EIF4G3: variants seen among roughly 807,000 people sequenced by gnomAD.
EIF4G3 encodes eukaryotic translation initiation factor 4 gamma 3, also known as eIF-4-gamma 3.
A neutral mutation model predicts 186.4 loss-of-function variants in EIF4G3; 34 were observed. The ratio of observed to expected loss-of-function variants is 0.18; its 90% CI spans 0.14 to 0.24. The LOEUF (loss-of-function observed/expected upper bound fraction) is 0.24. EIF4G3 is among the 10% of genes least tolerant of loss of function. The pLI is 1.00. For synonymous variants in EIF4G3, 673 were observed against 679.5 expected, an observed-to-expected ratio of 0.99 and a Z score of 0.15; for missense variants, 1,536 against 1,948.5, an observed-to-expected ratio of 0.79 and a Z score of 3.99.
chr1:20,843,495 C>T (rs367920538), intron 29 of EIF4G3, among the ~76,000 whole-genome samples: 13 of 151,782 alleles, frequency 8.6e-5, no homozygotes, highest in South Asian at 2.1e-4. Flanking sequence ...CCAGCCTGGG[C>T]GACACGGTGA....
At chr1:21,031,050 G>A (rs965785119) in intron 4 of EIF4G3, among the ~76,000 whole-genome samples, 8 of 152,214 alleles carry the variant, frequency 5.3e-5, no homozygotes, top group South Asian at 2.1e-4. Context: ...GCCAGGCAGC[G>A]TGGCACATGC....
At chr1:21,103,948 G>C (rs2096570707) in intron 2 of EIF4G3, among the ~76,000 whole-genome samples, 1 of 152,126 alleles carries the variant, frequency 6.6e-6, no homozygotes, top group Non-Finnish European at 1.5e-5. Context: ...AGGGGTCTTG[G>C]AGTCAGACAA....
chr1:21,168,511 C>T (rs2097900371), intron 2 of EIF4G3, among the ~76,000 whole-genome samples: 1 of 152,024 alleles, frequency 6.6e-6, no homozygotes, highest in Admixed American at 6.6e-5. Context: ...CAGCCTTGAC[C>T]TCCCGGGCTC....
At chr1:21,007,536 AAC>A (rs1491081027) in intron 4 of EIF4G3, among the ~76,000 whole-genome samples, 5,759 of 87,860 alleles carry the variant, frequency 0.066, 922 homozygotes, top group African/African-American at 0.078. Context: ...AAAAAAAAAA[AAC>A]ACACTCAAAA....
At chr1:20,911,560 C>CAAAAA (rs60071144) in intron 14 of EIF4G3, among the ~76,000 whole-genome samples, 9 of 40,714 alleles carry the variant, frequency 2.2e-4, no homozygotes, top group African/African-American at 2.2e-4. Context: ...GACCCTGCCT[C>CAAAAA]AAAAAAAAAA....
In EIF4G3 at chr1:20,980,328, A is replaced by G; in HGVS notation, c.493+6T>C. ...TAGCAGAAATGTCTTGACTTTTCCT[A>G]CTTACCATAAGCATTGGGGAAGTCC... is the stretch of plus-strand genomic sequence containing the variant. On this transcript the variant is annotated splice_donor_region_variant and intron_variant, in intron 10 of 36. Transcript: ENST00000602326. 6.5e-7 allele frequency: 1 copy of G among 1,534,952 alleles called. No homozygotes were observed. Among genetic ancestry groups the G allele is most frequent in the Non-Finnish European group, 8.7e-7 (1 of 1,148,830 alleles).
At chr1:21,125,308 A>G (rs2097010154) in intron 2 of EIF4G3, among the ~76,000 whole-genome samples, 1 of 152,234 alleles carries the variant, frequency 6.6e-6, no homozygotes, top group Admixed American at 6.5e-5. Flanking sequence ...AGTCTCAGAA[A>G]CAATGTTTAA....
intron 4 of EIF4G3, among the ~76,000 whole-genome samples, chr1:21,033,422 C>G (rs778792574): frequency 6.6e-6 from 1 of 151,344 alleles, no homozygotes; most frequent in Non-Finnish European, 1.5e-5. Context: ...AACAGCAGAG[C>G]AGATAAAGAA....
chr1:21,148,519 G>A (rs1003865366), intron 2 of EIF4G3, among the ~76,000 whole-genome samples: 7 of 151,926 alleles, frequency 4.6e-5, no homozygotes, highest in African/African-American at 1.2e-4. Flanking sequence ...TGACTAACAC[G>A]GTGAAACCCC....
intron 3 of EIF4G3, among the ~76,000 whole-genome samples, chr1:21,069,611 G>A (rs1335474373): frequency 6.6e-6 from 1 of 152,196 alleles, no homozygotes; most frequent in Non-Finnish European, 1.5e-5. Context: ...AGCTCCAAGA[G>A]GCCAGAGGAT....
intron 2 of EIF4G3, among the ~76,000 whole-genome samples, chr1:21,142,380 G>A (rs564109360): frequency 6.6e-6 from 1 of 150,694 alleles, no homozygotes; most frequent in South Asian, 2.1e-4. Flanking sequence ...TGCACCATGT[G>A]CCTGCAGTCC....
Position 20,831,183 on chromosome 1 carries a change from T to C in EIF4G3, c.4062-1911A>G, listed in dbSNP as rs573990289. Among the ~76,000 whole-genome samples, 4 of 152,306 alleles carry C rather than the reference T, an allele frequency of 2.6e-5. No individual in the cohort carries two copies. The South Asian group carries it at 6.2e-4, about 24-fold the overall frequency. On this transcript the variant is annotated intron_variant, in intron 30 of 36. Transcript: ENST00000602326. ...GAGACTGCAGATATCCCTCCGCCCA[T>C]TTCAACTACAAAAGCTCCACTTCAT...
At chr1:21,095,026 C>G (rs980947750) in intron 2 of EIF4G3, among the ~76,000 whole-genome samples, 29 of 151,996 alleles carry the variant, frequency 1.9e-4, no homozygotes. Flanking sequence ...ATTTTAAACT[C>G]TGTTTCAACT....
chr1:21,003,872 T>TAC, intron 4 of EIF4G3: 1 of 285,096 alleles, frequency 3.5e-6, no homozygotes, highest in Non-Finnish European at 6.7e-6. Flanking sequence ...CTCTGGTGGT[T>TAC]ACCTCTCTAT....
intron 29 of EIF4G3, among the ~76,000 whole-genome samples, chr1:20,849,001 C>G (rs1271108292): frequency 1.6e-5 from 2 of 127,590 alleles, no homozygotes; most frequent in African/African-American, 6.0e-5. Context: ...GAGCCGAGAT[C>G]GTGCCACTGC....
chr1:21,053,614 G>A (rs1211709027), intron 3 of EIF4G3, among the ~76,000 whole-genome samples: 6 of 139,836 alleles, frequency 4.3e-5, no homozygotes, highest in South Asian at 2.2e-4. Context: ...CCCCCCGCCC[G>A]GCCACCCGCC....
intron 2 of EIF4G3, among the ~76,000 whole-genome samples, chr1:21,127,768 T>G (rs1458043685): frequency 6.6e-6 from 1 of 152,146 alleles, no homozygotes; most frequent in South Asian, 2.1e-4. Flanking sequence ...GTACAGACAA[T>G]ACACTTTAAA....
intron 4 of EIF4G3, among the ~76,000 whole-genome samples, chr1:21,007,289 T>A (rs970923512): frequency 1.3e-5 from 2 of 151,674 alleles, no homozygotes; most frequent in Non-Finnish European, 2.9e-5. Flanking sequence ...TCCCAGCTAC[T>A]TGGGAGGCTG....
intron 30 of EIF4G3, 47 bp from the exon 31 acceptor site, chr1:20,829,319 A>C (rs2064476816): frequency 1.3e-6 from 2 of 1,598,580 alleles, no homozygotes; most frequent in African/African-American, 2.7e-5. Context: ...GTAATTCAAA[A>C]GTTAAAATTA....
Sources: allele counts gnomAD v4.1 joint callset (sites outside exome capture counted in the v4.1 genomes callset), GRCh38; gene constraint gnomAD v4.1.1; transcripts MANE v1.5; gene names NCBI Gene and HGNC (gene_info 2026-07-23, HGNC 2026-07-21).